VRK2: variants seen among roughly 807,000 people sequenced by gnomAD.
VRK2 encodes the protein VRK serine/threonine kinase 2, also known as serine/threonine-protein kinase VRK2.
A neutral mutation model predicts 57.6 loss-of-function variants in VRK2; 60 were observed. That is an observed-to-expected ratio of 1.04 (90% CI 0.85 to 1.29). VRK2 has a LOEUF of 1.29. Ranked by LOEUF, VRK2 falls within the 50% of genes most tolerant of loss-of-function variation. VRK2 has a pLI of 0.00. For missense variants in VRK2, 705 were observed against 588.1 expected (o/e 1.20, Z -2.06); for synonymous variants, 231 against 199.2 (o/e 1.16, Z -1.35).
chr2:58,044,417 G>A (rs1220440206), upstream of VRK2, among the ~76,000 whole-genome samples: 3 of 152,224 alleles, frequency 2.0e-5, no homozygotes, highest in African/African-American at 7.2e-5. Context: ...GAAGGAAATG[G>A]TTGCCCATAT....
chr2:58,122,916 A>T (rs1247722055), intron 7 of VRK2, among the ~76,000 whole-genome samples, 185 bp from the exon 8 acceptor site: 1 of 152,212 alleles, frequency 6.6e-6, no homozygotes, highest in Non-Finnish European at 1.5e-5. Context: ...TGAAGAAAGG[A>T]TTTAAGTTGG....
chr2:58,091,041 T>C (rs563839858), intron 7 of VRK2, among the ~76,000 whole-genome samples: 2 of 152,282 alleles, frequency 1.3e-5, no homozygotes, highest in South Asian at 4.1e-4. Flanking sequence ...TTTTTTACTA[T>C]CTCCATAGGT....
chr2:58,039,220 C>G (rs1215460970), intron 3 of VRK2, among the ~76,000 whole-genome samples: 1 of 152,146 alleles, frequency 6.6e-6, no homozygotes, highest in Non-Finnish European at 1.5e-5. Flanking sequence ...GGATCATATT[C>G]CAAGAAACAA....
intron 2 of VRK2, among the ~76,000 whole-genome samples, chr2:58,082,858 A>G (rs1671086455): frequency 6.6e-6 from 1 of 151,856 alleles, no homozygotes; most frequent in Non-Finnish European, 1.5e-5. Context: ...ATTACTGATA[A>G]TTAAAAACTG....
chr2:58,031,384 CCT>C (rs1239755248), intron 2 of VRK2, among the ~76,000 whole-genome samples: 2 of 151,868 alleles, frequency 1.3e-5, no homozygotes, highest in African/African-American at 2.4e-5. Flanking sequence ...TATAGGATGT[CCT>C]GAGCTTGGGA....
chr2:58,049,032 G>T, intron 2 of VRK2, 65 bp downstream of exon 2: 2 of 1,535,002 alleles, frequency 1.3e-6, no homozygotes, highest in South Asian at 1.2e-5. Context: ...ATTACTTAGT[G>T]GTATTTTAAG....
chr2:58,105,918 A>C (rs1384839970), intron 7 of VRK2, among the ~76,000 whole-genome samples: 1 of 151,902 alleles, frequency 6.6e-6, no homozygotes, highest in African/African-American at 2.4e-5. Flanking sequence ...CCTTTTTATA[A>C]TATACCAATG....
At chr2:57,943,728 G>GACTT (rs1671169167) in intron 1 of VRK2, among the ~76,000 whole-genome samples, 1 of 152,280 alleles carries the variant, frequency 6.6e-6, no homozygotes, top group South Asian at 2.1e-4. Flanking sequence ...TTTCCAACTA[G>GACTT]ACTTAGTCTT....
At chr2:58,000,948 T>TA (rs1398406949) in intron 1 of VRK2, among the ~76,000 whole-genome samples, 2 of 152,200 alleles carry the variant, frequency 1.3e-5, no homozygotes, top group Non-Finnish European at 2.9e-5. Context: ...ATAACATAAA[T>TA]ATGCATAGCA....
chr2:58,066,281 G>A (rs1558587708), intron 2 of VRK2, among the ~76,000 whole-genome samples: 1 of 152,054 alleles, frequency 6.6e-6, no homozygotes, highest in Non-Finnish European at 1.5e-5. Context: ...ACTGAGTTTT[G>A]ATCATAAAAG....
intron 10 of VRK2, among the ~76,000 whole-genome samples, chr2:58,138,071 A>G (rs1479349525): frequency 6.6e-6 from 1 of 152,042 alleles, no homozygotes; most frequent in Admixed American, 6.6e-5. Flanking sequence ...GGAGTTTTCC[A>G]TTGTCTTGTA....
intron 10 of VRK2, 82 bp from the exon 11 acceptor site, chr2:58,139,584 A>G: frequency 3.2e-6 from 4 of 1,242,970 alleles, no homozygotes; most frequent in Non-Finnish European, 3.4e-6. Context: ...AAAGACAAAG[A>G]TAACAAAGAT....
At chr2:57,945,283 T>G (rs945136387) in intron 1 of VRK2, among the ~76,000 whole-genome samples, 2 of 152,186 alleles carry the variant, frequency 1.3e-5, no homozygotes, top group African/African-American at 2.4e-5. Context: ...AGTATGTATG[T>G]GCCTCCTTAA....
intron 2 of VRK2, among the ~76,000 whole-genome samples, chr2:58,082,853 T>A (rs985702971): frequency 6.6e-6 from 1 of 151,884 alleles, no homozygotes; most frequent in Non-Finnish European, 1.5e-5. Flanking sequence ...GTAGCATTAC[T>A]GATAATTAAA....
chr2:58,120,571 A>G (rs1331605312), intron 7 of VRK2, among the ~76,000 whole-genome samples: 2 of 152,158 alleles, frequency 1.3e-5, no homozygotes, highest in Non-Finnish European at 2.9e-5. Context: ...AGAGGCCTGT[A>G]GCTTAGTGAT....
chr2:58,124,649 G>A (rs907937585), intron 8 of VRK2, among the ~76,000 whole-genome samples: 11 of 152,072 alleles, frequency 7.2e-5, no homozygotes, highest in Non-Finnish European at 1.3e-4. Flanking sequence ...TCTATTAAAA[G>A]GACCATTGAC....
chr2:57,998,461 G>A lies in VRK2; in HGVS notation c.-438-27204G>A, dbSNP rs539301314. On this transcript the variant is annotated intron_variant, in intron 1 of 15. Transcript: ENST00000417641. ...AATTACTTCGAGTGTTAATCTGGGA[G>A]ATAATTTATAATTTTAATTTCTTTC... is the stretch of plus-strand genomic sequence containing the variant. Among the ~76,000 whole-genome samples, 13 of 152,220 alleles carry A rather than the reference G, an allele frequency of 8.5e-5. No homozygotes were observed. The South Asian group carries it at 2.7e-3, about 32-fold the overall frequency.
chr2:57,986,377 C>T (rs182494032), intron 1 of VRK2, among the ~76,000 whole-genome samples: 4 of 152,162 alleles, frequency 2.6e-5, no homozygotes, highest in South Asian at 2.1e-4. Context: ...AATACATTTC[C>T]AATCAAAATT....
chr2:58,087,064 T>C (rs182656220), intron 5 of VRK2, among the ~76,000 whole-genome samples: 61 of 152,270 alleles, frequency 4.0e-4, no homozygotes, highest in Non-Finnish European at 6.9e-4. Flanking sequence ...AACCACCAAA[T>C]ATGGCTAGTC....
Sources: gnomAD v4.1 joint callset for allele counts (sites outside exome capture counted in the v4.1 genomes callset) on GRCh38, gnomAD v4.1.1 for gene constraint, MANE v1.5 for transcripts, NCBI Gene and HGNC (gene_info 2026-07-23, HGNC 2026-07-21) for gene names.